HSP90AA1: variants seen among roughly 807,000 people sequenced by gnomAD.
HSP90AA1 encodes the protein heat shock protein HSP 90-alpha.
In HSP90AA1, 18 loss-of-function variants were observed where a neutral mutation model predicts 73.3. The ratio of observed to expected loss-of-function variants is 0.25; its 90% CI spans 0.17 to 0.36. The LOEUF (loss-of-function observed/expected upper bound fraction) is 0.36, where lower values mean the gene tolerates loss of function less well. HSP90AA1 is among the 10% of genes least tolerant of loss of function. The pLI is 1.00. For synonymous variants in HSP90AA1, 477 were observed against 296.9 expected (o/e 1.61, Z -6.24); for missense variants, 704 against 874.2 (o/e 0.81, Z 2.45).
chr14:102,090,697 C>A (rs1040743562), upstream of HSP90AA1, among the ~76,000 whole-genome samples: 1 of 152,172 alleles, frequency 6.6e-6, no homozygotes. Context: ...GTGATCCGCC[C>A]GCCTTGGCCT....
intron 3 of HSP90AA1, 138 bp from the exon 4 acceptor site, chr14:102,085,569 G>C (rs949544970): frequency 3.4e-6 from 4 of 1,184,576 alleles, no homozygotes; most frequent in Admixed American, 2.0e-5. Context: ...AGAACCTTTT[G>C]GGCAAGGTGC....
At position 102,080,842 on chromosome 14, in the gene HSP90AA1, G is replaced by A. The variant is rs1432964490; in HGVS notation, c.*870C>T. 9 of 227,462 alleles carry A rather than the reference G, an allele frequency of 4.0e-5. No individual in the cohort carries two copies. In the East Asian group the frequency reaches 5.6e-4, roughly 14 times the overall value. The allele number at this position is 227,462 out of a possible 1,614,324, so 14.1% of individuals were successfully genotyped here. On this transcript the variant is annotated 3_prime_UTR_variant, in exon 11 of 11. Coordinates refer to ENST00000216281, the MANE Select transcript of HSP90AA1 (RefSeq NM_005348.4). ...GAACACATGTAACTCATGGACGCAG[G>A]GGATGCATGTTGTCTGCATTCCTGT... is the stretch of plus-strand genomic sequence containing the variant.
In HSP90AA1 at chr14:102,080,904, G is replaced by T. The variant is rs2049083450; in HGVS notation, c.*808C>A. 1.3e-5 allele frequency: 3 copies of T among 228,456 alleles called. No individual in the cohort carries two copies. The highest frequency in any genetic ancestry group is 2.6e-5 in the Non-Finnish European group (3 of 115,170). The allele number at this position is 228,456 out of a possible 1,614,324, so 14.2% of individuals were successfully genotyped here. On this transcript the variant is annotated 3_prime_UTR_variant, in exon 11 of 11. Transcript: ENST00000216281. Reference sequence around the variant, plus strand: ...ACGTGTGCTCCACCCCACACCTGCTGAGTACATGCTGGGAAGACCATGTCA... The same window carrying T: ...ACGTGTGCTCCACCCCACACCTGCTTAGTACATGCTGGGAAGACCATGTCA...
chr14:102,114,456 C>T (rs1370044517), intron 1 of HSP90AA1, among the ~76,000 whole-genome samples: 1 of 152,156 alleles, frequency 6.6e-6, no homozygotes, highest in Non-Finnish European at 1.5e-5. Context: ...AGATTCACTG[C>T]AGGGTATTCT....
chr14:102,119,674 A>G (rs2049751309), intron 1 of HSP90AA1, among the ~76,000 whole-genome samples: 1 of 152,092 alleles, frequency 6.6e-6, no homozygotes. Flanking sequence ...TTTTCAGTAG[A>G]GACAGGGTTT....
intron 1 of HSP90AA1, among the ~76,000 whole-genome samples, chr14:102,115,267 G>A (rs1174628860): frequency 6.6e-6 from 1 of 151,524 alleles, no homozygotes; most frequent in East Asian, 1.9e-4. Context: ...ATTCCAGTCT[G>A]GGTGACAGAG....
chr14:102,124,057 ACAGGCGGAAACTACCACGTC>A, intron 1 of HSP90AA1, among the ~76,000 whole-genome samples: 1 of 152,254 alleles, frequency 6.6e-6, no homozygotes, highest in African/African-American at 2.4e-5. Context: ...TGCTGGGATT[ACAGGCGGAAACTACCACGTC>A]CAGCCTATTT....
upstream of HSP90AA1, among the ~76,000 whole-genome samples, chr14:102,091,451 C>T (rs1274556757): frequency 6.6e-6 from 1 of 151,920 alleles, no homozygotes; most frequent in African/African-American, 2.4e-5. Flanking sequence ...GGTGAAACCC[C>T]ATCTCTACAA....
At chr14:102,089,815 T>C (rs945604843), upstream of HSP90AA1, among the ~76,000 whole-genome samples, 1 of 152,150 alleles carries the variant, frequency 6.6e-6, no homozygotes, top group African/African-American at 2.4e-5. Context: ...TTCTGCCTCC[T>C]AAGTACCTCT....
At chr14:102,110,209 A>C (rs554693992) in intron 1 of HSP90AA1, among the ~76,000 whole-genome samples, 2 of 152,274 alleles carry the variant, frequency 1.3e-5, no homozygotes, top group African/African-American at 4.8e-5. Context: ...CTGGGATTAC[A>C]GGTGTGAGCC....
At chr14:102,121,723 G>T (rs2049780549) in intron 1 of HSP90AA1, among the ~76,000 whole-genome samples, 1 of 152,160 alleles carries the variant, frequency 6.6e-6, no homozygotes. Context: ...GCACCCTGGA[G>T]TGGGGAAATT....
At chr14:102,102,004 G>A (rs935447873) in exon 2 of HSP90AA1, 2 of 1,614,172 alleles carry the variant, frequency 1.2e-6, no homozygotes, top group African/African-American at 2.7e-5. Flanking sequence ...TCCAGAGACA[G>A]AGTAGAGTGG....
Position 102,081,349 on chromosome 14 carries a change from A to G in HSP90AA1, c.*363T>C, listed in dbSNP as rs1296748815. ...TACAAGATGTAACGAATACTTTTCT[A>G]AACATCAAGATACAGCTCAGAACAC... On this transcript the variant is annotated 3_prime_UTR_variant, in exon 11 of 11. Transcript: ENST00000216281. 8.6e-6 allele frequency: 3 copies of G among 349,268 alleles called. No individual in the cohort carries two copies. The allele number at this position is 349,268 out of a possible 1,614,324, so 21.6% of individuals were successfully genotyped here.
intron 1 of HSP90AA1, among the ~76,000 whole-genome samples, chr14:102,129,161 G>C (rs2049874864): frequency 1.4e-5 from 2 of 145,622 alleles, no homozygotes; most frequent in South Asian, 4.4e-4. Context: ...TTTTGAGACG[G>C]AGTCTCACTC....
rs979022399 is a variant in HSP90AA1 at position 102,135,143 on chromosome 14, C to A, written c.155+4107G>T. 2.0e-5 allele frequency among the ~76,000 whole-genome samples: 3 copies of A among 150,834 alleles called. No individual in the cohort carries two copies. In the South Asian group the frequency reaches 6.3e-4, roughly 32 times the overall value. ...AAACCTTGAGCTAGATACAGAGTGC[C>A]GATTGGTGTATTTACAATCCCTGAG... On this transcript the variant is annotated intron_variant, in intron 1 of 11. Transcript: ENST00000334701.
At chr14:102,098,472 T>C (rs2049453193) in intron 2 of HSP90AA1, among the ~76,000 whole-genome samples, 1 of 146,096 alleles carries the variant, frequency 6.8e-6, no homozygotes, top group South Asian at 2.2e-4. Context: ...TTTTTTTTTT[T>C]TTTTTTTTTT....
At chr14:102,085,062 C>G in intron 4 of HSP90AA1, 64 bp from the exon 5 acceptor site, 9 of 1,611,918 alleles carry the variant, frequency 5.6e-6, no homozygotes, top group South Asian at 1.1e-5. Flanking sequence ...AGCGCTGCAC[C>G]ACTATTTTCA....
upstream of HSP90AA1, chr14:102,087,048 G>A (rs1205920127): frequency 1.1e-5 from 11 of 985,340 alleles, no homozygotes; most frequent in Admixed American, 6.2e-5. Flanking sequence ...AGCAACTGAC[G>A]CGCCACCCCC....
intron 1 of HSP90AA1, among the ~76,000 whole-genome samples, chr14:102,103,771 T>C (rs2049526805): frequency 6.7e-6 from 1 of 149,290 alleles, no homozygotes; most frequent in African/African-American, 2.5e-5. Flanking sequence ...ACCATTGCAC[T>C]CTAGCCTGGG....
Sources: gnomAD v4.1 joint callset for allele counts (sites outside exome capture counted in the v4.1 genomes callset) on GRCh38, gnomAD v4.1.1 for gene constraint, MANE v1.5 for transcripts, NCBI Gene and HGNC (gene_info 2026-07-23, HGNC 2026-07-21) for gene names.